The following GFOD1 variants were observed in gnomAD, a reference collection of about 807,000 sequenced individuals.
The protein encoded by GFOD1 is glucose-fructose oxidoreductase domain-containing protein 1.
In GFOD1, 9 loss-of-function variants were observed where a neutral mutation model predicts 25.4. That is an observed-to-expected ratio of 0.35 (90% CI 0.21 to 0.62). The LOEUF (loss-of-function observed/expected upper bound fraction) is 0.62. Ranked by LOEUF, GFOD1 falls within the 20% of genes least tolerant of loss-of-function variation. The probability of loss-of-function intolerance (pLI) is 0.72; values close to 1 mark genes in which losing one functional copy is unlikely to be tolerated. For missense variants in GFOD1, 403 were observed against 556.9 expected, an observed-to-expected ratio of 0.72 and a Z score of 2.78; for synonymous variants, 253 against 245.6, an observed-to-expected ratio of 1.03 and a Z score of -0.28.
chr6:13,406,216 G>A (rs915611524), intron 1 of GFOD1, among the ~76,000 whole-genome samples: 1 of 152,162 alleles, frequency 6.6e-6, no homozygotes, highest in Non-Finnish European at 1.5e-5. Context: ...CTCCAGGGAC[G>A]TCACTATAAA....
At chr6:13,385,514 C>T (rs1473545117) in intron 1 of GFOD1, among the ~76,000 whole-genome samples, 1 of 152,144 alleles carries the variant, frequency 6.6e-6, no homozygotes, top group Non-Finnish European at 1.5e-5. Flanking sequence ...CCAAAGAGAA[C>T]TCTTGTCCTA....
At chr6:13,390,241 T>C (rs549510323) in intron 1 of GFOD1, among the ~76,000 whole-genome samples, 4 of 152,328 alleles carry the variant, frequency 2.6e-5, no homozygotes, top group Admixed American at 6.5e-5. Context: ...TCTATTACAG[T>C]GAGGTAGTTC....
rs1554199393 is a variant in GFOD1 at position 13,374,267 on chromosome 6, T to TGTGTGTGTGTGTG, written c.254-8606_254-8605insCACACACACACAC. On this transcript the variant is annotated intron_variant, in intron 1 of 1. Transcript: ENST00000379287. ...AGCCTAGTCTTTTTAAAAATATGTT[T>TGTGTGTGTGTGTG]TTTTTTTGTGTGTGTGTGTGTGTGT... is the stretch of plus-strand genomic sequence containing the variant. 2.1e-3 allele frequency among the ~76,000 whole-genome samples: 279 copies of TGTGTGTGTGTGTG among 133,912 alleles called. 2 individuals are homozygous for TGTGTGTGTGTGTG. The highest frequency in any genetic ancestry group is 3.5e-3 in the Non-Finnish European group (223 of 64,094). 87.9% of individuals were successfully genotyped at this position (133,912 alleles called of 152,430 possible).
Position 13,430,625 on chromosome 6 carries a change from T to C in GFOD1, c.253+56013A>G, listed in dbSNP as rs992422677. Among the ~76,000 whole-genome samples the C allele has an allele frequency of 2.0e-4, 30 of 152,068 alleles. No individual in the cohort carries two copies. Among genetic ancestry groups the C allele is most frequent in the African/African-American group, 7.2e-4 (30 of 41,392 alleles). On this transcript the variant is annotated intron_variant, in intron 1 of 1. Coordinates refer to ENST00000379287, the MANE Select transcript of GFOD1 (RefSeq NM_018988.4). This position sits in a 1 kb window ranked among gnomAD's most constrained non-coding sequence, Gnocchi z 4.1. ...ATAGAGACGGGCAGCTTGTGTACAA[T>C]GGGGAAGACTTAATGAAAGAAGCTC...
At chr6:13,392,825 G>T (rs1785640696) in intron 1 of GFOD1, among the ~76,000 whole-genome samples, 1 of 152,082 alleles carries the variant, frequency 6.6e-6, no homozygotes, top group Admixed American at 6.6e-5. Context: ...AGAGGCCAAG[G>T]CGGGAGGATC....
At chr6:13,393,780 C>CTTT (rs70989854) in intron 1 of GFOD1, among the ~76,000 whole-genome samples, 51,630 of 119,900 alleles carry the variant, frequency 0.43, 13,006 homozygotes, top group South Asian at 0.61. Flanking sequence ...TTTTTCTTTT[C>CTTT]TTTTTTTTTT....
intron 1 of GFOD1, among the ~76,000 whole-genome samples, chr6:13,440,813 T>G (rs1268516384): frequency 6.6e-6 from 1 of 152,212 alleles, no homozygotes; most frequent in Admixed American, 6.5e-5. Context: ...AAATAGTGCT[T>G]ATTTTGTTAT....
At chr6:13,406,831 C>T (rs908518215) in intron 1 of GFOD1, among the ~76,000 whole-genome samples, 30 of 152,168 alleles carry the variant, frequency 2.0e-4, no homozygotes, top group African/African-American at 7.2e-4. Flanking sequence ...CCCATGTTGG[C>T]ATTTTGTACA....
rs111564185 is a variant in GFOD1, at chr6:13,429,507, T to A, written c.253+57131A>T. Among the ~76,000 whole-genome samples the A allele has an allele frequency of 5.3e-5, 8 of 152,326 alleles. 1 individual carries two copies. The highest frequency in any genetic ancestry group is 1.7e-4 in the African/African-American group (7 of 41,582). ...CCTCTCAGACAGAAAAGTTTGGGTT[T>A]ACTGCTAGCCAAAAACCAGGAGTAC... On this transcript the variant is annotated intron_variant, in intron 1 of 1. Transcript: ENST00000379287.
chr6:13,426,809 G>A (rs16874149), intron 1 of GFOD1, among the ~76,000 whole-genome samples: 9,363 of 152,226 alleles, frequency 0.062, 359 homozygotes, highest in Middle Eastern at 0.12. Flanking sequence ...CAAAGGTGTC[G>A]ACTTCTGCCC....
At chr6:13,426,133 A>G (rs1400919856) in intron 1 of GFOD1, among the ~76,000 whole-genome samples, 1 of 152,222 alleles carries the variant, frequency 6.6e-6, no homozygotes, top group African/African-American at 2.4e-5. Context: ...AGAGCTTTCT[A>G]GGCAGCCAGC....
chr6:13,432,228 C>CTTT lies in GFOD1; in HGVS notation c.253+54407_253+54409dup, dbSNP rs537723348. ...TGGTTAAGTAATATTCTTTTCTTTTCTTTTTTTTTTTTTTTGAGATGGGGG... is the reference window on the plus strand; with the variant it reads ...TGGTTAAGTAATATTCTTTTCTTTTCTTTTTTTTTTTTTTTTTTGAGATGGGGG... On this transcript the variant is annotated intron_variant, in intron 1 of 1. Coordinates refer to ENST00000379287, the MANE Select transcript of GFOD1 (RefSeq NM_018988.4). 6.2e-3 allele frequency among the ~76,000 whole-genome samples: 877 copies of CTTT among 141,414 alleles called. 7 individuals are homozygous for CTTT. The highest frequency in any genetic ancestry group is 0.021 in the African/African-American group (835 of 39,074). The allele number at this position is 141,414 out of a possible 152,430, so 92.8% of individuals were successfully genotyped here. A position where few individuals can be genotyped will look rare whatever the true frequency, so the allele number is the denominator to read the frequency against.
intron 1 of GFOD1, among the ~76,000 whole-genome samples, chr6:13,420,819 C>T (rs1269094183): frequency 1.3e-5 from 2 of 152,188 alleles, no homozygotes; most frequent in Non-Finnish European, 1.5e-5. Context: ...GGGAGTATAA[C>T]ATGGCACTAA....
chr6:13,381,300 G>A (rs557537256), intron 1 of GFOD1, among the ~76,000 whole-genome samples: 1 of 152,234 alleles, frequency 6.6e-6, no homozygotes, highest in Non-Finnish European at 1.5e-5. Context: ...AATCTGAAAA[G>A]CTGGAAGCCC....
At position 13,364,960 on chromosome 6, in the gene GFOD1, T is replaced by C. The variant is rs1785011620; in HGVS notation, c.956A>G (p.Asp319Gly). Residue 319 changes from aspartate to glycine, a missense_variant, in exon 2 of 2, where the codon GAC (aspartate) becomes GGC (glycine). By Grantham distance (94) the Asp-to-Gly change is moderately conservative (BLOSUM62 -1). Coordinates refer to ENST00000379287, the MANE Select transcript of GFOD1 (RefSeq NM_018988.4). The surrounding 1 kb of genome is among the most constrained non-coding windows in gnomAD (Gnocchi z 4.1). ...ATCCCACGTGCGCCGGTCGTCCTGG[T>C]CCTGGAAGGCCTGGCGCACCGCCTG... Reference protein sequence around the residue: ...MMQAVRQAFQDQDDRRTWDGR... With the variant: ...MMQAVRQAFQGQDDRRTWDGR... 1.2e-6 allele frequency: 2 copies of C among 1,610,244 alleles called. No homozygotes were observed. Among genetic ancestry groups the C allele is most frequent in the South Asian group, 2.2e-5 (2 of 91,054 alleles).
intron 1 of GFOD1, chr6:13,486,180 A>G: frequency 6.1e-6 from 6 of 991,266 alleles, no homozygotes; most frequent in Non-Finnish European, 7.2e-6. Flanking sequence ...CCTTTTATTC[A>G]GGCGTTTCTG....
At chr6:13,370,791 T>C (rs1018854923) in intron 1 of GFOD1, among the ~76,000 whole-genome samples, 8 of 152,140 alleles carry the variant, frequency 5.3e-5, no homozygotes, top group Admixed American at 5.2e-4. Context: ...TAAAACCACG[T>C]GCAACGTAAA....
At chr6:13,439,235 T>C (rs557362092) in intron 1 of GFOD1, among the ~76,000 whole-genome samples, 1 of 108,446 alleles carries the variant, frequency 9.2e-6, no homozygotes, top group African/African-American at 2.6e-5. Context: ...AACAAACAAC[T>C]GAAAATTGAA....
intron 1 of GFOD1, among the ~76,000 whole-genome samples, chr6:13,474,590 C>T (rs1584673876): frequency 6.6e-6 from 1 of 152,110 alleles, no homozygotes; most frequent in East Asian, 1.9e-4. Context: ...TATCTCATTG[C>T]ATTGCTCCAT....
Sources: gnomAD v4.1 joint callset for allele counts (sites outside exome capture counted in the v4.1 genomes callset) on GRCh38, gnomAD v4.1.1 for gene constraint, Gnocchi (gnomAD v3.1) non-coding constraint, MANE v1.5 for transcripts, NCBI Gene and HGNC (gene_info 2026-07-23, HGNC 2026-07-21) for gene names.